LAMC3: variants seen among roughly 807,000 people sequenced by gnomAD.
LAMC3 encodes the protein laminin subunit gamma-3.
LAMC3 carries 128 observed loss-of-function variants against 173.8 expected under a neutral mutation model. That is an observed-to-expected ratio of 0.74 (90% CI 0.64 to 0.85). LAMC3 has a LOEUF of 0.85. Among genes scored for constraint, LAMC3 ranks in the 40% least tolerant of loss-of-function variants. LAMC3 has a pLI of 0.00. For missense variants in LAMC3, 2,022 were observed against 2,156.0 expected (o/e 0.94, Z 1.23); for synonymous variants, 897 against 909.1 (o/e 0.99, Z 0.24).
chr9:131,052,780 C>G, intron 10 of LAMC3, 70 bp from the exon 11 acceptor site: 2 of 1,313,554 alleles, frequency 1.5e-6, no homozygotes, highest in Non-Finnish European at 2.2e-6. Flanking sequence ...TGGGGGGCTA[C>G]CCCCCATCCC....
intron 2 of LAMC3, among the ~76,000 whole-genome samples, chr9:131,027,347 G>A (rs1347817792): frequency 2.0e-5 from 3 of 152,218 alleles, no homozygotes; most frequent in Non-Finnish European, 4.4e-5. Flanking sequence ...GAGGGGCCTC[G>A]CTTCCTCCTC....
chr9:131,015,273 G>GC (rs1325567670), intron 1 of LAMC3, among the ~76,000 whole-genome samples: 2 of 152,212 alleles, frequency 1.3e-5, no homozygotes, highest in African/African-American at 2.4e-5. Flanking sequence ...AGGGCCCCCA[G>GC]CCTTGCAGGT....
At position 131,056,982 on chromosome 9, in the gene LAMC3, C is replaced by A; in HGVS notation, c.1993C>A (p.Pro665Thr). Residue 665 changes from proline to threonine, a missense_variant, in exon 12 of 28, where the codon CCG becomes ACG. By Grantham distance (38) the Pro-to-Thr change is conservative. Coordinates refer to ENST00000361069, the MANE Select transcript of LAMC3 (RefSeq NM_006059.4). ...RLTSARPGLS[P>T]PASWVEICSC... The stretch of plus-strand genomic sequence containing the variant: ...CACATCCGCCCGGCCAGGGCTTTCC[C>A]CGCCAGCCTCCTGGGTGGAGATTTG... 6.2e-7 allele frequency: 1 copy of A among 1,614,070 alleles called. No individual in the cohort carries two copies. The highest frequency in any genetic ancestry group is 2.2e-5 in the East Asian group (1 of 44,880).
At chr9:131,028,829 A>AT (rs148488871) in intron 2 of LAMC3, among the ~76,000 whole-genome samples, 4 of 151,836 alleles carry the variant, frequency 2.6e-5, no homozygotes, top group East Asian at 1.9e-4. Flanking sequence ...TTTTTTAATA[A>AT]TTTTTTTTTC....
chr9:131,090,349 C>T (rs1830403572), intron 27 of LAMC3, among the ~76,000 whole-genome samples: 1 of 152,230 alleles, frequency 6.6e-6, no homozygotes, highest in African/African-American at 2.4e-5. Flanking sequence ...CTGGCCCCTT[C>T]TCCAGGAGCC....
intron 23 of LAMC3, among the ~76,000 whole-genome samples, chr9:131,081,640 T>C (rs1323041927): frequency 6.6e-6 from 1 of 152,042 alleles, no homozygotes; most frequent in Admixed American, 6.6e-5. Flanking sequence ...CCTAGCTAAT[T>C]TTAAATAAAT....
At chr9:131,030,177 G>GCCAA (rs1396156364) in intron 2 of LAMC3, among the ~76,000 whole-genome samples, 4 of 152,024 alleles carry the variant, frequency 2.6e-5, no homozygotes, top group African/African-American at 9.7e-5. Flanking sequence ...TGGTCTCAAG[G>GCCAA]GATCTGCCCG....
rs12683652 is a variant in LAMC3 at position 131,093,477 on chromosome 9, A to G, written c.*1690A>G. ...CAGAGAAGGAAGCATTCCAGGCAAG[A>G]GGGTGGACAACAGTCCGGGGCCCGC... is the stretch of plus-strand genomic sequence containing the variant. On this transcript the variant is annotated 3_prime_UTR_variant, in exon 28 of 28. Coordinates refer to ENST00000361069, the MANE Select transcript of LAMC3 (RefSeq NM_006059.4). 43,717 of 151,836 alleles carry G rather than the reference A, an allele frequency of 0.29. 7,322 individuals carry two copies. The highest frequency in any genetic ancestry group is 0.47 in the African/African-American group (19,283 of 41,244). 9.4% of individuals were successfully genotyped at this position (151,836 alleles called of 1,614,324 possible).
intron 12 of LAMC3, among the ~76,000 whole-genome samples, chr9:131,058,843 G>A (rs539257332): frequency 5.1e-4 from 76 of 147,904 alleles, no homozygotes; most frequent in African/African-American, 1.8e-3. Flanking sequence ...GCAGAGAGCC[G>A]AAATCATGCC....
chr9:131,060,802 G>A (rs969983792), intron 12 of LAMC3, among the ~76,000 whole-genome samples: 1 of 152,178 alleles, frequency 6.6e-6, no homozygotes, highest in African/African-American at 2.4e-5. Flanking sequence ...GGAGACTGAG[G>A]TGTGGGGGCA....
intron 12 of LAMC3, among the ~76,000 whole-genome samples, chr9:131,060,415 G>A (rs111345412): frequency 6.6e-5 from 10 of 152,200 alleles, no homozygotes; most frequent in South Asian, 4.1e-4. Flanking sequence ...AGGCTGAGGC[G>A]GGCAAATCGC....
At position 131,017,550 on chromosome 9, in the gene LAMC3, C is replaced by T. The variant is rs561016573; in HGVS notation, c.373+7963C>T. Among the ~76,000 whole-genome samples, 383 of 145,292 alleles carry T rather than the reference C, an allele frequency of 2.6e-3. 8 individuals are homozygous for T. Among genetic ancestry groups the T allele is most frequent in the East Asian group, 8.7e-4 (4 of 4,576 alleles). Reference sequence around the variant, plus strand: ...GACCAGCCTAGCCAACATGGTGAAACCCTTTCTCTATTAAAAAAAAAAAAA... The same window carrying T: ...GACCAGCCTAGCCAACATGGTGAAATCCTTTCTCTATTAAAAAAAAAAAAA... On this transcript the variant is annotated intron_variant, in intron 1 of 27. Transcript: ENST00000361069.
intron 6 of LAMC3, among the ~76,000 whole-genome samples, chr9:131,039,998 T>A (rs1328517014): frequency 6.8e-6 from 1 of 147,004 alleles, no homozygotes; most frequent in Non-Finnish European, 1.5e-5. Flanking sequence ...AACAAAAACC[T>A]ATGATAAATT....
chr9:131,016,628 A>T lies in LAMC3; in HGVS notation c.373+7041A>T, dbSNP rs182290604. Among the ~76,000 whole-genome samples, 3 of 152,376 alleles carry T rather than the reference A, an allele frequency of 2.0e-5. No individual in the cohort carries two copies. In the East Asian group the frequency reaches 5.8e-4, roughly 29 times the overall value. On this transcript the variant is annotated intron_variant, in intron 1 of 27. Transcript: ENST00000361069. ...GGACTAGTTAAGTAAATTGTAGGAC[A>T]TAAATTCTCATGGTGATTGGAGCCA... is the stretch of plus-strand genomic sequence containing the variant.
rs762634493 is a variant in LAMC3, at chr9:131,079,129, A to C, written c.3778-20A>C. 1 of 1,611,194 alleles carries C rather than the reference A, an allele frequency of 6.2e-7. No homozygotes were observed. The highest frequency in any genetic ancestry group is 1.3e-5 in the African/African-American group (1 of 74,888). On this transcript the variant is annotated intron_variant, in intron 22 of 27. Transcript: ENST00000361069. ...GCCCTTCCTTTCCAGGCCCTGCCTGAGCGCATTGTCTCCCTGCAGCCTCAG... is the reference window on the plus strand; with the variant it reads ...GCCCTTCCTTTCCAGGCCCTGCCTGCGCGCATTGTCTCCCTGCAGCCTCAG...
chr9:131,012,226 C>G (rs1039182415), intron 1 of LAMC3, among the ~76,000 whole-genome samples: 1 of 152,054 alleles, frequency 6.6e-6, no homozygotes, highest in Admixed American at 6.5e-5. Context: ...GCTCAGCATT[C>G]TCTTTTGCCT....
intron 11 of LAMC3, 103 bp from the exon 12 acceptor site, chr9:131,056,826 A>G: frequency 2.4e-6 from 2 of 843,800 alleles, no homozygotes; most frequent in Non-Finnish European, 4.1e-6. Context: ...GTCTGCCTTT[A>G]TATACGTGGG....
intron 3 of LAMC3, among the ~76,000 whole-genome samples, chr9:131,034,220 C>T (rs1161729436): frequency 1.3e-5 from 2 of 152,230 alleles, no homozygotes; most frequent in African/African-American, 4.8e-5. Flanking sequence ...ACTCTCCTTT[C>T]CTGGGTCAGT....
Position 131,017,448 on chromosome 9 carries a change from G to A in LAMC3, c.373+7861G>A, listed in dbSNP as rs943668645. 1.4e-4 allele frequency among the ~76,000 whole-genome samples: 22 copies of A among 152,092 alleles called. 1 individual carries two copies. The highest frequency in any genetic ancestry group is 1.9e-4 in the East Asian group (1 of 5,188). On this transcript the variant is annotated intron_variant, in intron 1 of 27. Coordinates refer to ENST00000361069, the MANE Select transcript of LAMC3 (RefSeq NM_006059.4). The stretch of plus-strand genomic sequence containing the variant: ...TTGTTACAAGAGTTAATTAGAGGCC[G>A]GGTGCGGTCCTTACGCCTGTAATCC...
Sources: gnomAD v4.1 joint callset for allele counts (sites outside exome capture counted in the v4.1 genomes callset) on GRCh38, gnomAD v4.1.1 for gene constraint, MANE v1.5 for transcripts, NCBI Gene and HGNC (gene_info 2026-07-23, HGNC 2026-07-21) for gene names.